SPATS2: variants seen among roughly 807,000 people sequenced by gnomAD.
SPATS2 encodes spermatogenesis associated serine rich 2.
In SPATS2, 38 loss-of-function variants were observed where a neutral mutation model predicts 63.7. The observed-to-expected ratio is 0.60, with a 90% CI of 0.46 to 0.78. The LOEUF (loss-of-function observed/expected upper bound fraction) is 0.78, where lower values mean the gene tolerates loss of function less well. SPATS2 is among the 30% of genes least tolerant of loss of function. SPATS2 has a pLI of 0.00. For synonymous variants in SPATS2, 207 were observed against 232.9 expected, an observed-to-expected ratio of 0.89 and a Z score of 1.01; for missense variants, 588 against 666.2, an observed-to-expected ratio of 0.88 and a Z score of 1.29.
At chr12:49,428,755 C>T (rs1945127853) in intron 2 of SPATS2, among the ~76,000 whole-genome samples, 1 of 152,068 alleles carries the variant, frequency 6.6e-6, no homozygotes, top group Non-Finnish European at 1.5e-5. Flanking sequence ...TTTCTATATG[C>T]TTGGAATCTC....
chr12:49,493,890 G>A (rs532984333), intron 6 of SPATS2, among the ~76,000 whole-genome samples: 26 of 152,090 alleles, frequency 1.7e-4, no homozygotes, highest in Non-Finnish European at 3.4e-4. Context: ...CTTATTCCAT[G>A]TCTCAATATA....
chr12:49,447,901 T>C (rs1353305464), intron 2 of SPATS2, among the ~76,000 whole-genome samples: 1 of 152,016 alleles, frequency 6.6e-6, no homozygotes, highest in East Asian at 1.9e-4. Context: ...AACCAACTTT[T>C]GGTTTTATTG....
chr12:49,373,752 C>T (rs1453479479), intron 2 of SPATS2, among the ~76,000 whole-genome samples: 1 of 152,160 alleles, frequency 6.6e-6, no homozygotes, highest in African/African-American at 2.4e-5. Context: ...TGGTGAAACC[C>T]TGTCTCTAAT....
chr12:49,405,441 A>T (rs1944677063), intron 2 of SPATS2, among the ~76,000 whole-genome samples: 1 of 152,176 alleles, frequency 6.6e-6, no homozygotes. Context: ...CTCACGCCTG[A>T]ATTTGCAGCA....
In SPATS2 at chr12:49,516,200, T is replaced by TAAATAA. The variant is rs1273670089; in HGVS notation, c.898+1588_898+1589insAATAAA. 6.0e-4 allele frequency among the ~76,000 whole-genome samples: 37 copies of TAAATAA among 61,934 alleles called. 4 individuals are homozygous for TAAATAA. The highest frequency in any genetic ancestry group is 2.1e-3 in the African/African-American group (36 of 17,004). 40.6% of individuals were successfully genotyped at this position (61,934 alleles called of 152,430 possible). On this transcript the variant is annotated intron_variant, in intron 10 of 13. Coordinates refer to ENST00000552918, the MANE Select transcript of SPATS2 (RefSeq NM_023071.4). ...ATATATATATATATATATATATATATATATATATAAATCAGGCATGGGGTC... is the reference window on the plus strand; with the variant it reads ...ATATATATATATATATATATATATATAAATAAATATATATAAATCAGGCATGGGGTC...
chr12:49,482,329 A>G (rs574914150), intron 3 of SPATS2, among the ~76,000 whole-genome samples: 84 of 152,306 alleles, frequency 5.5e-4, no homozygotes, highest in African/African-American at 1.9e-3. Context: ...AGAGTAAGGT[A>G]GGGGACTTTT....
chr12:49,396,396 TG>T (rs1221121710), intron 2 of SPATS2, among the ~76,000 whole-genome samples: 1 of 152,238 alleles, frequency 6.6e-6, no homozygotes, highest in Non-Finnish European at 1.5e-5. Flanking sequence ...CTTTGATTGC[TG>T]ATTTCCTCGT....
chr12:49,480,189 C>G (rs1424402080), intron 3 of SPATS2, among the ~76,000 whole-genome samples: 2 of 152,142 alleles, frequency 1.3e-5, no homozygotes, highest in Non-Finnish European at 2.9e-5. Context: ...GTTCCACCCC[C>G]TCTACACTTG....
chr12:49,440,054 C>CT (rs1335370923), intron 2 of SPATS2, among the ~76,000 whole-genome samples: 1 of 152,214 alleles, frequency 6.6e-6, no homozygotes, highest in Non-Finnish European at 1.5e-5. Context: ...ACAAAGAACT[C>CT]TCTGATATGC....
In SPATS2 at chr12:49,460,925, C is replaced by A. The variant is rs1945810524; in HGVS notation, c.-88C>A. The A allele has an allele frequency of 1.3e-6, 2 of 1,526,704 alleles. No homozygotes were observed. The highest frequency in any genetic ancestry group is 9.0e-7 in the Non-Finnish European group (1 of 1,111,442). The allele number at this position is 1,526,704 out of a possible 1,614,324, so 94.6% of individuals were successfully genotyped here. A position where few individuals can be genotyped will look rare whatever the true frequency, so the allele number is the denominator to read the frequency against. On this transcript the variant is annotated 5_prime_UTR_variant, in exon 3 of 14. Coordinates refer to ENST00000552918, the MANE Select transcript of SPATS2 (RefSeq NM_023071.4). The stretch of plus-strand genomic sequence containing the variant: ...TCCAACTGCACACTTCCGTTGCCCA[C>A]TTTTAAATCAGAGATACCTACACTC...
chr12:49,514,659 TAGGTACCTACTTC>T, intron 10 of SPATS2, 46 bp downstream of exon 10: 1 of 1,560,514 alleles, frequency 6.4e-7, no homozygotes. Flanking sequence ...TCATAAATAG[TAGGTACCTACTTC>T]CCAACCCTTA....
chr12:49,393,936 G>A (rs965938467), intron 2 of SPATS2, among the ~76,000 whole-genome samples: 1 of 152,116 alleles, frequency 6.6e-6, no homozygotes, highest in African/African-American at 2.4e-5. Context: ...CCTGCCTCAA[G>A]TGATTTTACT....
intron 2 of SPATS2, among the ~76,000 whole-genome samples, chr12:49,447,395 T>C (rs1056632954): frequency 1.3e-5 from 2 of 152,132 alleles, no homozygotes; most frequent in Non-Finnish European, 2.9e-5. Flanking sequence ...CGCACCACCA[T>C]GCCTGGCTAA....
At chr12:49,457,974 G>A (rs1005049010) in intron 2 of SPATS2, among the ~76,000 whole-genome samples, 5 of 152,122 alleles carry the variant, frequency 3.3e-5, no homozygotes, top group African/African-American at 1.2e-4. Flanking sequence ...TCCCACTGTG[G>A]TTTGTAGAGG....
chr12:49,526,241 GCC>G lies in SPATS2; in HGVS notation c.1625_1626del (p.Ala542GlyfsTer25). 1.2e-6 allele frequency: 2 copies of G among 1,609,058 alleles called. No individual in the cohort carries two copies. Among genetic ancestry groups the G allele is most frequent in the Non-Finnish European group, 1.7e-6 (2 of 1,177,540 alleles). ...CAAACCCAGGACCTCTCAGACTGAA[GCC>G]GTGAACTCTTGAGAGAAAATCCAGT... ...QRKPRTSQTE[A>X]VNS On this transcript the variant is annotated frameshift_variant, in exon 14 of 14. Transcript: ENST00000552918. LOFTEE classifies it high-confidence loss of function.
intron 9 of SPATS2, among the ~76,000 whole-genome samples, chr12:49,505,698 C>A (rs1946644120): frequency 6.6e-6 from 1 of 152,074 alleles, no homozygotes; most frequent in Non-Finnish European, 1.5e-5. Flanking sequence ...ATCCTGATTT[C>A]TTTTCCACAA....
intron 3 of SPATS2, among the ~76,000 whole-genome samples, chr12:49,464,357 C>T (rs975958664): frequency 6.6e-6 from 1 of 150,896 alleles, no homozygotes; most frequent in South Asian, 2.1e-4. Flanking sequence ...TGGTGGCTCA[C>T]GCCTGTAATC....
At chr12:49,465,957 TAATG>T (rs2137711693) in intron 3 of SPATS2, among the ~76,000 whole-genome samples, 1 of 151,920 alleles carries the variant, frequency 6.6e-6, no homozygotes, top group African/African-American at 2.4e-5. Flanking sequence ...AAAAAATTCT[TAATG>T]GTGTCTTTTA....
At chr12:49,504,771 T>TTTCTTTC (rs1254765379) in intron 9 of SPATS2, among the ~76,000 whole-genome samples, 14 of 92,500 alleles carry the variant, frequency 1.5e-4, no homozygotes, top group African/African-American at 5.8e-4. Context: ...TCTTTCTTTC[T>TTTCTTTC]TTTTTTTTTT....
Sources: allele counts gnomAD v4.1 joint callset (sites outside exome capture counted in the v4.1 genomes callset), GRCh38; gene constraint gnomAD v4.1.1; transcripts MANE v1.5; gene names NCBI Gene and HGNC (gene_info 2026-07-23, HGNC 2026-07-21).